The following CD3G variants were observed in gnomAD, a reference collection of about 807,000 sequenced individuals.
CD3G encodes CD3 gamma subunit of T-cell receptor complex.
Under a neutral mutation model 28.3 loss-of-function variants are expected in CD3G, and 24 were observed. The ratio of observed to expected loss-of-function variants is 0.85; its 90% CI spans 0.61 to 1.19. CD3G has a LOEUF of 1.19. Among genes scored for constraint, CD3G ranks in the 50% most tolerant of loss-of-function variants. The probability of loss-of-function intolerance (pLI) is 0.00; values close to 1 mark genes in which losing one functional copy is unlikely to be tolerated. For missense variants in CD3G, 211 were observed against 210.0 expected, an observed-to-expected ratio of 1.00 and a Z score of -0.03; for synonymous variants, 71 against 75.9, an observed-to-expected ratio of 0.93 and a Z score of 0.34.
At chr11:118,350,495 C>T (rs1210028691) in intron 3 of CD3G, 57 bp from the exon 4 acceptor site, 22 of 1,306,454 alleles carry the variant, frequency 1.7e-5, no homozygotes, top group East Asian at 2.3e-5. Context: ...CAGGAGAAAA[C>T]GAACCAGGAA....
At chr11:118,349,330 C>T (rs1948384359) in intron 2 of CD3G, 9 of 1,351,770 alleles carry the variant, frequency 6.7e-6, no homozygotes, top group Admixed American at 3.0e-5. Context: ...TAGGTATTGG[C>T]GTCACCTGGG....
intron 4 of CD3G, 23 bp from the exon 5 acceptor site, chr11:118,351,605 G>T: frequency 6.2e-7 from 1 of 1,613,384 alleles, no homozygotes; most frequent in Non-Finnish European, 8.5e-7. Context: ...ACCTTGTGTG[G>T]ATTCTGTTTC....
At chr11:118,349,264 G>A in intron 2 of CD3G, 1 of 1,471,558 alleles carries the variant, frequency 6.8e-7, no homozygotes, top group Non-Finnish European at 9.0e-7. Flanking sequence ...TCTCTTACAG[G>A]AGAAGCAGGA....
Position 118,354,327 on chromosome 11 carries a change from G to C in CD3G, c.*1227G>C, listed in dbSNP as rs1948433314. On this transcript the variant is annotated 3_prime_UTR_variant, in exon 7 of 7. Transcript: ENST00000532917. ...TTCTTTTTTTTTTTTTTTTGAAGTGGAATCTTGCTCTGTGGCCCAGGCTGG... is the reference window on the plus strand; with the variant it reads ...TTCTTTTTTTTTTTTTTTTGAAGTGCAATCTTGCTCTGTGGCCCAGGCTGG... 7.4e-6 allele frequency: 1 copy of C among 134,886 alleles called. No homozygotes were observed. Among genetic ancestry groups the C allele is most frequent in the Admixed American group, 7.8e-5 (1 of 12,758 alleles). The allele number at this position is 134,886 out of a possible 1,614,324, so 8.4% of individuals were successfully genotyped here.
chr11:118,352,602 A>G (rs1948420191), intron 6 of CD3G, 115 bp downstream of exon 6: 4 of 787,790 alleles, frequency 5.1e-6, no homozygotes, highest in Non-Finnish European at 9.0e-6. Flanking sequence ...TCTGGGGATC[A>G]GGGATTGGGA....
In CD3G at chr11:118,349,736, AT is replaced by A; in HGVS notation, c.80-4del. 6.2e-7 allele frequency: 1 copy of A among 1,609,370 alleles called. No homozygotes were observed. The highest frequency in any genetic ancestry group is 8.5e-7 in the Non-Finnish European group (1 of 1,175,694). ...CCTTAATAGAACCACGGCTTTTCTC[AT>A]TTCAGGAAACCACTTGGTTAAGGTG... On this transcript the variant is annotated splice_region_variant and splice_polypyrimidine_tract_variant and intron_variant, in intron 2 of 6. Transcript: ENST00000532917.
chr11:118,349,002 C>A (rs200092023), intron 1 of CD3G, 25 bp from the exon 2 acceptor site: 7 of 1,613,784 alleles, frequency 4.3e-6, no homozygotes, highest in Non-Finnish European at 5.9e-6. Context: ...CCAGCTAATA[C>A]TCTATCTCTC....
chr11:118,350,495 C>A, intron 3 of CD3G, 57 bp from the exon 4 acceptor site: 2 of 1,306,576 alleles, frequency 1.5e-6, no homozygotes, highest in Middle Eastern at 1.8e-4. Flanking sequence ...CAGGAGAAAA[C>A]GAACCAGGAA....
intron 5 of CD3G, among the ~76,000 whole-genome samples, chr11:118,351,920 G>A (rs896582072): frequency 9.2e-5 from 14 of 151,982 alleles, no homozygotes; most frequent in African/African-American, 3.4e-4. Context: ...TCGACAGGCT[G>A]GGCACTCACT....
chr11:118,351,936 C>T (rs1303245028), intron 5 of CD3G, among the ~76,000 whole-genome samples: 1 of 151,928 alleles, frequency 6.6e-6, no homozygotes, highest in Admixed American at 6.6e-5. Context: ...TCACTATAGA[C>T]AGGCCATGGC....
intron 6 of CD3G, among the ~76,000 whole-genome samples, 167 bp downstream of exon 6, chr11:118,352,654 C>T (rs1948420564): frequency 6.6e-6 from 1 of 152,242 alleles, no homozygotes; most frequent in African/African-American, 2.4e-5. Context: ...TGGGGCCATA[C>T]TGATTGTCTT....
chr11:118,350,024 C>T, intron 3 of CD3G, 54 bp downstream of exon 3: 1 of 1,404,208 alleles, frequency 7.1e-7, no homozygotes, highest in Non-Finnish European at 1.0e-6. Flanking sequence ...ATTTGCTGTT[C>T]TGGTGAGCTT....
chr11:118,345,288 A>G lies in CD3G; in HGVS notation c.55+810A>G, dbSNP rs3212265. 4.8e-3 allele frequency among the ~76,000 whole-genome samples: 731 copies of G among 152,370 alleles called. 8 individuals are homozygous for G. The highest frequency in any genetic ancestry group is 0.017 in the African/African-American group (696 of 41,592). On this transcript the variant is annotated intron_variant, in intron 1 of 6. Transcript: ENST00000532917. ...TGTATGCACTACCTTGGAAACCAAG[A>G]GAGTAGAGAGCTTCTAGAAGAAGAG...
intron 1 of CD3G, among the ~76,000 whole-genome samples, chr11:118,345,007 C>T (rs1948342665): frequency 6.6e-6 from 1 of 152,200 alleles, no homozygotes; most frequent in Non-Finnish European, 1.5e-5. Flanking sequence ...ACTGAGTGTA[C>T]AGTATAGTAT....
rs2134074127 is a variant in CD3G, at chr11:118,354,189, C to G, written c.*1089C>G. On this transcript the variant is annotated 3_prime_UTR_variant, in exon 7 of 7. Coordinates refer to ENST00000532917, the MANE Select transcript of CD3G (RefSeq NM_000073.3). ...TGTACATGCCATAAAATCCACCCAT[C>G]TTAAGTGATTTCACCTGTTCTCAGA... 2 of 152,148 alleles carry G rather than the reference C, an allele frequency of 1.3e-5. No homozygotes were observed. The highest frequency in any genetic ancestry group is 4.2e-4 in the South Asian group (2 of 4,818). 9.4% of individuals were successfully genotyped at this position (152,148 alleles called of 1,614,324 possible).
rs545815899 is a variant in CD3G, at chr11:118,355,093, C to G, written c.*1993C>G. 1.3e-5 allele frequency: 2 copies of G among 152,036 alleles called. No individual in the cohort carries two copies. Among genetic ancestry groups the G allele is most frequent in the South Asian group, 4.1e-4 (2 of 4,822 alleles). The allele number at this position is 152,036 out of a possible 1,614,324, so 9.4% of individuals were successfully genotyped here. A position where few individuals can be genotyped will look rare whatever the true frequency, so the allele number is the denominator to read the frequency against. Reference sequence around the variant, plus strand: ...TACAGCTTTATGGTTTTAGCTCTAACAATAAATGTGATTTTGAACATACAT... The same window carrying G: ...TACAGCTTTATGGTTTTAGCTCTAAGAATAAATGTGATTTTGAACATACAT... On this transcript the variant is annotated 3_prime_UTR_variant, in exon 7 of 7. Coordinates refer to ENST00000532917, the MANE Select transcript of CD3G (RefSeq NM_000073.3).
chr11:118,345,738 A>G (rs995979879), intron 1 of CD3G, among the ~76,000 whole-genome samples: 1 of 152,140 alleles, frequency 6.6e-6, no homozygotes, highest in African/African-American at 2.4e-5. Context: ...TAAGACCAGG[A>G]GAAAGGAAGT....
chr11:118,352,616 G>A (rs1948420288), intron 6 of CD3G, 129 bp downstream of exon 6: 1 of 736,328 alleles, frequency 1.4e-6, no homozygotes, highest in African/African-American at 1.7e-5. Context: ...ATTGGGACGT[G>A]GTTTGGGGTA....
At chr11:118,348,778 C>T (rs1948379570) in intron 1 of CD3G, among the ~76,000 whole-genome samples, 1 of 152,192 alleles carries the variant, frequency 6.6e-6, no homozygotes, top group African/African-American at 2.4e-5. Flanking sequence ...ACTCCTGTCA[C>T]TCATGAAATT....
Sources: gnomAD v4.1 joint callset for allele counts (sites outside exome capture counted in the v4.1 genomes callset) on GRCh38, gnomAD v4.1.1 for gene constraint, MANE v1.5 for transcripts, NCBI Gene and HGNC (gene_info 2026-07-23, HGNC 2026-07-21) for gene names.